PPARA: variants seen among roughly 807,000 people sequenced by gnomAD.
The protein encoded by PPARA is peroxisome proliferator activated receptor alpha.
In PPARA, 22 loss-of-function variants were observed where a neutral mutation model predicts 42.2. That is an observed-to-expected ratio of 0.52 (90% CI 0.37 to 0.74). PPARA has a LOEUF of 0.74. PPARA is among the 30% of genes least tolerant of loss of function. PPARA has a pLI of 0.00. For missense variants in PPARA, 465 were observed against 608.2 expected (o/e 0.76, Z 2.48); for synonymous variants, 242 against 239.3 (o/e 1.01, Z -0.10).
Position 46,221,187 on chromosome 22 carries a change from A to G in PPARA, c.711+1173A>G, listed in dbSNP as rs1228977555. Among the ~76,000 whole-genome samples the G allele has an allele frequency of 1.3e-5, 2 of 152,158 alleles. No homozygotes were observed. The highest frequency in any genetic ancestry group is 2.9e-5 in the Non-Finnish European group (2 of 68,034). The stretch of plus-strand genomic sequence containing the variant: ...AACAAGAGACACACACTTTTCACCC[A>G]TCAGATCTTGTGAGAACGCTATCAC... On this transcript the variant is annotated intron_variant, in intron 7 of 8. Coordinates refer to ENST00000407236, the MANE Select transcript of PPARA (RefSeq NM_005036.6). This position sits in a 1 kb window ranked among gnomAD's most constrained non-coding sequence, Gnocchi z 5.9.
intron 3 of PPARA, among the ~76,000 whole-genome samples, chr22:46,181,431 C>T (rs772241606): frequency 3.3e-5 from 5 of 152,040 alleles, no homozygotes; most frequent in Admixed American, 6.6e-5. Context: ...CTGAAACTTC[C>T]GTAATAGGAC....
chr22:46,189,908 T>A (rs940549089), intron 3 of PPARA, among the ~76,000 whole-genome samples: 3 of 152,114 alleles, frequency 2.0e-5, no homozygotes, highest in African/African-American at 7.2e-5. Flanking sequence ...GGTTTCACCA[T>A]GTTGGCCAGG....
chr22:46,166,893 A>G (rs1927161070), intron 2 of PPARA, among the ~76,000 whole-genome samples: 2 of 152,214 alleles, frequency 1.3e-5, no homozygotes, highest in Admixed American at 6.5e-5. Flanking sequence ...TCTAAAGTTT[A>G]TATGGAAATG....
In PPARA at chr22:46,217,149, C is replaced by T. The variant is rs116141901; in HGVS notation, c.370-1114C>T. Among the ~76,000 whole-genome samples the T allele has an allele frequency of 2.4e-3, 370 of 152,186 alleles. 4 individuals are homozygous for T. Among genetic ancestry groups the T allele is most frequent in the African/African-American group, 8.5e-3 (353 of 41,520 alleles). On this transcript the variant is annotated intron_variant, in intron 5 of 8. Transcript: ENST00000407236. ...CCACCCTTCCCATTCTAACCCCATGCGTTCCTCAGCCTCCCCACTGTGCAA... is the reference window on the plus strand; with the variant it reads ...CCACCCTTCCCATTCTAACCCCATGTGTTCCTCAGCCTCCCCACTGTGCAA...
chr22:46,158,223 A>G (rs1255313593), intron 2 of PPARA, among the ~76,000 whole-genome samples: 2 of 152,200 alleles, frequency 1.3e-5, no homozygotes, highest in African/African-American at 4.8e-5. Context: ...CCTGGCCATC[A>G]TGGTGAAACC....
Position 46,225,679 on chromosome 22 carries a change from A to AC in PPARA, c.711+5670dup, listed in dbSNP as rs199819624. 4.0e-5 allele frequency among the ~76,000 whole-genome samples: 6 copies of AC among 151,160 alleles called. No homozygotes were observed. In the South Asian group the frequency reaches 8.4e-4, roughly 21 times the overall value. ...CACACGTGTACACAGATGCACCTCCACCCCCATACATGCACATGGACACAC... is the reference window on the plus strand; with the variant it reads ...CACACGTGTACACAGATGCACCTCCACCCCCCATACATGCACATGGACACAC... On this transcript the variant is annotated intron_variant, in intron 7 of 8. Transcript: ENST00000407236. This position sits in a 1 kb window ranked among gnomAD's most constrained non-coding sequence, Gnocchi z 4.1.
At chr22:46,172,770 G>A (rs1440224838) in intron 2 of PPARA, among the ~76,000 whole-genome samples, 1 of 152,228 alleles carries the variant, frequency 6.6e-6, no homozygotes, top group Non-Finnish European at 1.5e-5. Context: ...CCAGGCTTCA[G>A]ATAGAGCCTC....
Position 46,204,216 on chromosome 22 carries a change from CAT to C in PPARA, c.208+5627_208+5628del, listed in dbSNP as rs1336635158. Reference sequence around the variant, plus strand: ...GTTCATTCTTCATCCATCATGTGGACATAGCACAGTTTGCTGATTCACGCACC... The same window carrying C: ...GTTCATTCTTCATCCATCATGTGGACAGCACAGTTTGCTGATTCACGCACC... On this transcript the variant is annotated intron_variant, in intron 4 of 8. Transcript: ENST00000407236. The surrounding 1 kb of genome is among the most constrained non-coding windows in gnomAD (Gnocchi z 5.2). Among the ~76,000 whole-genome samples the C allele has an allele frequency of 6.6e-6, 1 of 152,226 alleles. No homozygotes were observed. The highest frequency in any genetic ancestry group is 1.5e-5 in the Non-Finnish European group (1 of 68,044).
chr22:46,223,218 G>A (rs972855740), intron 7 of PPARA, among the ~76,000 whole-genome samples: 1 of 152,146 alleles, frequency 6.6e-6, no homozygotes, highest in African/African-American at 2.4e-5. Flanking sequence ...CATGGGGTGC[G>A]AATGGGACTC....
At position 46,234,765 on chromosome 22, in the gene PPARA, T is replaced by C. The variant is rs1197976933; in HGVS notation, c.1160-368T>C. On this transcript the variant is annotated intron_variant, in intron 8 of 8. Transcript: ENST00000407236. The surrounding 1 kb of genome is among the most constrained non-coding windows in gnomAD (Gnocchi z 5.8). Reference sequence around the variant, plus strand: ...TTCAAAAGCTTCATTTCCCATATTATGCAAAACTGGTGGTTGTGATCTCCA... The same window carrying C: ...TTCAAAAGCTTCATTTCCCATATTACGCAAAACTGGTGGTTGTGATCTCCA... Among the ~76,000 whole-genome samples, 1 of 152,248 alleles carries C rather than the reference T, an allele frequency of 6.6e-6. No individual in the cohort carries two copies. The highest frequency in any genetic ancestry group is 1.5e-5 in the Non-Finnish European group (1 of 68,044).
At chr22:46,228,164 T>A (rs1041019871) in intron 7 of PPARA, among the ~76,000 whole-genome samples, 33 of 152,252 alleles carry the variant, frequency 2.2e-4, no homozygotes, top group African/African-American at 8.0e-4. Context: ...TGTTTAACGA[T>A]GCCCCCAGCC....
chr22:46,226,824 G>C (rs1266273799), intron 7 of PPARA, among the ~76,000 whole-genome samples: 1 of 151,970 alleles, frequency 6.6e-6, no homozygotes, highest in Admixed American at 6.6e-5. Flanking sequence ...TTGCGCCACT[G>C]TACTCCAGCC....
intron 2 of PPARA, among the ~76,000 whole-genome samples, chr22:46,153,396 T>A (rs1332498818): frequency 6.6e-6 from 1 of 151,842 alleles, no homozygotes; most frequent in Non-Finnish European, 1.5e-5. Context: ...CTCAAACTCC[T>A]GACCTCAGGT....
intron 7 of PPARA, among the ~76,000 whole-genome samples, chr22:46,220,820 G>C (rs1934940644): frequency 6.6e-6 from 1 of 151,836 alleles, no homozygotes; most frequent in South Asian, 2.1e-4. Flanking sequence ...GCACACACCT[G>C]TAATTCCAGC....
rs555433836 is a variant in PPARA at position 46,227,596 on chromosome 22, GA to G, written c.712-4194del. Among the ~76,000 whole-genome samples, 1 of 152,170 alleles carries G rather than the reference GA, an allele frequency of 6.6e-6. No homozygotes were observed. Among genetic ancestry groups the G allele is most frequent in the Non-Finnish European group, 1.5e-5 (1 of 68,038 alleles). The stretch of plus-strand genomic sequence containing the variant: ...AAAGATGACAGCTGCTAACAGAGAT[GA>G]ATTCTCATGAGTGATATCATTGAGC... On this transcript the variant is annotated intron_variant, in intron 7 of 8. Transcript: ENST00000407236. This position sits in a 1 kb window ranked among gnomAD's most constrained non-coding sequence, Gnocchi z 4.3.
Position 46,235,861 on chromosome 22 carries a change from G to T in PPARA, c.*481G>T. 1 of 166,630 alleles carries T rather than the reference G, an allele frequency of 6.0e-6. No homozygotes were observed. Among genetic ancestry groups the T allele is most frequent in the Non-Finnish European group, 1.3e-5 (1 of 75,750 alleles). 10.3% of individuals were successfully genotyped at this position (166,630 alleles called of 1,614,324 possible). A position where few individuals can be genotyped will look rare whatever the true frequency, so the allele number is the denominator to read the frequency against. On this transcript the variant is annotated 3_prime_UTR_variant, in exon 9 of 9. Transcript: ENST00000407236. This position sits in a 1 kb window ranked among gnomAD's most constrained non-coding sequence, Gnocchi z 7.0. Reference sequence around the variant, plus strand: ...TATCCAAAGGTGAAGTATGTAAAAAGCAGCAAAATATTTATTTCAAAGACT... The same window carrying T: ...TATCCAAAGGTGAAGTATGTAAAAATCAGCAAAATATTTATTTCAAAGACT...
rs1453107105 is a variant in PPARA at position 46,218,397 on chromosome 22, C to G, written c.504C>G (p.His168Gln). The change falls in exon 6 of 9, where the codon CAC becomes CAG. Residue 168 changes from histidine (H) to glutamine (Q), a missense_variant. By Grantham distance (24) the His-to-Gln change is conservative. This residue lies in a region of PPARA where 313 missense variants were observed against 469.1 expected (regional missense o/e 0.67). Transcript: ENST00000407236. ...FHKCLSVGMS[H>Q]NAIRFGRMPR... is the part of the protein sequence containing the mutation. ...AGTGCCTTTCTGTCGGGATGTCACA[C>G]AACGGTAGGTAAGGTGGCCCTGCAC... 1 of 1,613,994 alleles carries G rather than the reference C, an allele frequency of 6.2e-7. No individual in the cohort carries two copies. The highest frequency in any genetic ancestry group is 1.3e-5 in the African/African-American group (1 of 74,914).
chr22:46,171,054 G>A lies in PPARA; in HGVS notation c.-126-5699G>A, dbSNP rs975502820. On this transcript the variant is annotated intron_variant, in intron 2 of 8. Coordinates refer to ENST00000407236, the MANE Select transcript of PPARA (RefSeq NM_005036.6). The surrounding 1 kb of genome is among the most constrained non-coding windows in gnomAD (Gnocchi z 5.0). The stretch of plus-strand genomic sequence containing the variant: ...CAGGTACCTGTAATCCCAGCTACTT[G>A]GGAGGCTGAGGCAGGAGAATTGCTT... Among the ~76,000 whole-genome samples the A allele has an allele frequency of 2.6e-5, 4 of 152,026 alleles. No individual in the cohort carries two copies. Among genetic ancestry groups the A allele is most frequent in the Non-Finnish European group, 5.9e-5 (4 of 67,982 alleles).
At position 46,234,271 on chromosome 22, in the gene PPARA, T is replaced by A. The variant is rs1002726771; in HGVS notation, c.1160-862T>A. 6.6e-6 allele frequency among the ~76,000 whole-genome samples: 1 copy of A among 152,146 alleles called. No homozygotes were observed. ...TAAAACAATACAAAAACAAGAATTT[T>A]AGAAATAAAAACTTAATAATTACAT... is the stretch of plus-strand genomic sequence containing the variant. On this transcript the variant is annotated intron_variant, in intron 8 of 8. Coordinates refer to ENST00000407236, the MANE Select transcript of PPARA (RefSeq NM_005036.6). This position sits in a 1 kb window ranked among gnomAD's most constrained non-coding sequence, Gnocchi z 5.8.
Sources: gnomAD v4.1 joint callset for allele counts (sites outside exome capture counted in the v4.1 genomes callset) on GRCh38, gnomAD v4.1.1 for gene constraint, gnomAD v4.1.1 regional missense constraint, Gnocchi (gnomAD v3.1) non-coding constraint, MANE v1.5 for transcripts, NCBI Gene and HGNC (gene_info 2026-07-23, HGNC 2026-07-21) for gene names.